Variants in DUSP29 observed in about 807,000 individuals in gnomAD.
DUSP29 encodes atypical dual-specific protein phosphatase.
In DUSP29, 12 loss-of-function variants were observed where a neutral mutation model predicts 13.5. That is an observed-to-expected ratio of 0.89 (90% CI 0.57 to 1.44). DUSP29 has a LOEUF of 1.44. DUSP29 is among the 40% of genes most tolerant of loss of function. The probability of loss-of-function intolerance (pLI) is 0.00; values close to 1 mark genes in which losing one functional copy is unlikely to be tolerated. For synonymous variants in DUSP29, 134 were observed against 128.7 expected, an observed-to-expected ratio of 1.04 and a Z score of -0.28; for missense variants, 308 against 301.1, an observed-to-expected ratio of 1.02 and a Z score of -0.17.
rs769399350 is a variant in DUSP29, at chr10:75,058,502, C to T, written c.13G>A (p.Glu5Lys). Residue 5 changes from glutamate to lysine, a missense_variant, in exon 2 of 4, where the codon GAA (glutamate) becomes AAA (lysine). Glu to Lys is a moderately conservative substitution (Grantham distance 56). Coordinates refer to ENST00000338487, the MANE Select transcript of DUSP29 (RefSeq NM_001003892.3). Reference sequence around the variant, plus strand: ...GCATTCTTGAGGCTTGTCTTCACTTCTCCAGATGTCATTTTAGAGCCAAGG... The same window carrying T: ...GCATTCTTGAGGCTTGTCTTCACTTTTCCAGATGTCATTTTAGAGCCAAGG... MTSG[E>K]VKTSLKNAYS... The T allele has an allele frequency of 1.2e-6, 2 of 1,614,070 alleles. No individual in the cohort carries two copies. The highest frequency in any genetic ancestry group is 1.3e-5 in the African/African-American group (1 of 74,942).
intron 3 of DUSP29, among the ~76,000 whole-genome samples, chr10:75,039,530 C>T (rs1300254774): frequency 6.6e-6 from 1 of 152,042 alleles, no homozygotes; most frequent in Non-Finnish European, 1.5e-5. Context: ...AAAGGAAACC[C>T]AAATCCAGAA....
intron 3 of DUSP29, 34 bp downstream of exon 3, chr10:75,043,763 G>GGGGCC: frequency 6.3e-7 from 1 of 1,575,576 alleles, no homozygotes; most frequent in South Asian, 1.1e-5. Flanking sequence ...GGGGCGGGGC[G>GGGGCC]GGGCCGATCG....
chr10:75,050,117 T>C (rs2134288950), intron 2 of DUSP29, among the ~76,000 whole-genome samples: 1 of 152,352 alleles, frequency 6.6e-6, no homozygotes, highest in African/African-American at 2.4e-5. Flanking sequence ...AGCCAAGCCT[T>C]ATCACTGGAG....
At chr10:75,043,769 G>A (rs1427385291) in intron 3 of DUSP29, 28 bp downstream of exon 3, 34 of 1,589,564 alleles carry the variant, frequency 2.1e-5, no homozygotes, top group Non-Finnish European at 2.6e-5. Flanking sequence ...GGGCGGGGCC[G>A]ATCGGGGCGG....
intron 1 of DUSP29, among the ~76,000 whole-genome samples, chr10:75,066,792 C>T (rs1330512531): frequency 6.6e-6 from 1 of 152,126 alleles, no homozygotes; most frequent in Non-Finnish European, 1.5e-5. Context: ...TGGGAGCCCC[C>T]CGAAGGCAGC....
At position 75,071,042 on chromosome 10, in the gene DUSP29, G is replaced by A. The variant is rs563986169; in HGVS notation, c.-35+2527C>T. Among the ~76,000 whole-genome samples the A allele has an allele frequency of 8.5e-5, 13 of 152,330 alleles. No homozygotes were observed. The South Asian group carries it at 2.5e-3, about 29-fold the overall frequency. ...TGGAGTTTAGGGGTTGAGAGGAGTA[G>A]GAGAGTGAGATGCCACCAGGCCTCT... On this transcript the variant is annotated intron_variant, in intron 1 of 3. Coordinates refer to ENST00000338487, the MANE Select transcript of DUSP29 (RefSeq NM_001003892.3).
At chr10:75,038,285 G>A (rs530678622) in intron 3 of DUSP29, among the ~76,000 whole-genome samples, 15 of 152,270 alleles carry the variant, frequency 9.9e-5, no homozygotes, top group South Asian at 2.1e-4. Context: ...TAAATAACTC[G>A]ATTTTAGCAC....
chr10:75,046,662 C>G (rs1413608070), intron 2 of DUSP29, among the ~76,000 whole-genome samples: 3 of 152,246 alleles, frequency 2.0e-5, no homozygotes, highest in Non-Finnish European at 4.4e-5. Flanking sequence ...GAGCCCCCCT[C>G]CACTTGGCTC....
intron 1 of DUSP29, among the ~76,000 whole-genome samples, chr10:75,063,265 G>A (rs969923254): frequency 6.6e-6 from 1 of 152,174 alleles, no homozygotes; most frequent in African/African-American, 2.4e-5. Context: ...ATTTTTAAAT[G>A]TAAGCCCCTG....
intron 2 of DUSP29, among the ~76,000 whole-genome samples, chr10:75,052,830 G>T (rs1178909336): frequency 2.0e-5 from 3 of 152,226 alleles, no homozygotes; most frequent in African/African-American, 7.2e-5. Flanking sequence ...GTGCCAGATG[G>T]CATTATTGTT....
chr10:75,045,215 CA>C (rs1268611820), intron 2 of DUSP29, among the ~76,000 whole-genome samples: 1 of 152,050 alleles, frequency 6.6e-6, no homozygotes, highest in Non-Finnish European at 1.5e-5. Flanking sequence ...AAAGAAAAAA[CA>C]AAAAACAGCC....
chr10:75,053,894 T>C (rs1846898541), intron 2 of DUSP29, among the ~76,000 whole-genome samples: 2 of 152,174 alleles, frequency 1.3e-5, no homozygotes, highest in South Asian at 2.1e-4. Flanking sequence ...ATTTGTAAAA[T>C]GGGAATAATA....
intron 3 of DUSP29, among the ~76,000 whole-genome samples, chr10:75,039,611 G>A (rs958870011): frequency 2.6e-5 from 4 of 152,140 alleles, no homozygotes; most frequent in African/African-American, 4.8e-5. Flanking sequence ...AAAATCAGAC[G>A]TAGGCTAAGA....
intron 1 of DUSP29, among the ~76,000 whole-genome samples, chr10:75,060,952 G>T (rs1268847175): frequency 6.6e-6 from 1 of 152,174 alleles, no homozygotes; most frequent in Non-Finnish European, 1.5e-5. Flanking sequence ...ATATAATGTT[G>T]GGGCAAGGTA....
chr10:75,041,303 T>C (rs1392741222), intron 3 of DUSP29, among the ~76,000 whole-genome samples: 1 of 152,188 alleles, frequency 6.6e-6, no homozygotes, highest in Non-Finnish European at 1.5e-5. Context: ...CTGATGGCCA[T>C]TGGGTTGCTT....
At chr10:75,048,093 C>A (rs1351809638) in intron 2 of DUSP29, among the ~76,000 whole-genome samples, 1 of 152,060 alleles carries the variant, frequency 6.6e-6, no homozygotes, top group Admixed American at 6.6e-5. Context: ...TGTTTATGTC[C>A]GTAGGAGACA....
intron 1 of DUSP29, among the ~76,000 whole-genome samples, chr10:75,071,752 G>A (rs1847332009): frequency 6.6e-6 from 1 of 152,138 alleles, no homozygotes; most frequent in Non-Finnish European, 1.5e-5. Flanking sequence ...CCCAGGTGAG[G>A]ACAGGCACTC....
chr10:75,066,826 C>T (rs1589869555), intron 1 of DUSP29, among the ~76,000 whole-genome samples: 1 of 152,290 alleles, frequency 6.6e-6, no homozygotes, highest in East Asian at 1.9e-4. Flanking sequence ...CGAGGCTGCC[C>T]ATGGCAGCAG....
chr10:75,057,998 C>T (rs1027766647), intron 2 of DUSP29, among the ~76,000 whole-genome samples: 3 of 152,140 alleles, frequency 2.0e-5, no homozygotes, highest in Admixed American at 2.0e-4. Flanking sequence ...GACCCTGCAG[C>T]ACCTGGAGGG....
Sources: allele counts gnomAD v4.1 joint callset (sites outside exome capture counted in the v4.1 genomes callset), GRCh38; gene constraint gnomAD v4.1.1; transcripts MANE v1.5; gene names NCBI Gene and HGNC (gene_info 2026-07-23, HGNC 2026-07-21).